PCNX1: variants seen among roughly 807,000 people sequenced by gnomAD.
PCNX1 encodes the protein pecanex-like protein 1.
Under a neutral mutation model 242.2 loss-of-function variants are expected in PCNX1, and 78 were observed. The ratio of observed to expected loss-of-function variants is 0.32; its 90% confidence interval spans 0.27 to 0.39. The LOEUF (loss-of-function observed/expected upper bound fraction) is 0.39, where lower values mean the gene tolerates loss of function less well. PCNX1 is among the 10% of genes least tolerant of loss of function. The pLI, the probability that PCNX1 is intolerant of heterozygous loss-of-function variation, is 1.00. For synonymous variants in PCNX1, 1,024 were observed against 1,032.9 expected (o/e 0.99, Z 0.17); for missense variants, 2,581 against 2,856.5 (o/e 0.90, Z 2.20).
At chr14:70,908,445 C>T (rs926937598) in intron 1 of PCNX1, among the ~76,000 whole-genome samples, 2 of 152,136 alleles carry the variant, frequency 1.3e-5, no homozygotes, top group Non-Finnish European at 2.9e-5. Flanking sequence ...CCCGCCGCGG[C>T]CCTCGTCCGG....
chr14:70,918,901 A>G (rs1332283214), intron 1 of PCNX1, among the ~76,000 whole-genome samples: 2 of 122,534 alleles, frequency 1.6e-5, no homozygotes, highest in Non-Finnish European at 3.5e-5. Context: ...TTTTTTTTTT[A>G]GACAAAGTCT....
chr14:71,050,634 A>G lies in PCNX1; in HGVS notation c.4339-18A>G. The G allele has an allele frequency of 2.6e-6, 4 of 1,538,014 alleles. No individual in the cohort carries two copies. The highest frequency in any genetic ancestry group is 2.6e-6 in the Non-Finnish European group (3 of 1,145,830). On this transcript the variant is annotated intron_variant, in intron 22 of 35. Transcript: ENST00000304743. ...AGTTTTTTTTTTTTTACTGACAGCC[A>G]TTCTTTTCCTCCTGCAGCTTTGGGA...
chr14:71,031,588 TAATCCTGCAC>T lies in PCNX1; in HGVS notation c.3559-1837_3559-1828del, dbSNP rs1320208784. On this transcript the variant is annotated intron_variant, in intron 16 of 35. Transcript: ENST00000304743. ...TCCTGAGACAGAAGGGGACTCAGTC[TAATCCTGCAC>T]AATAGACTTAGGCAGCCCAGCTCTG... 7.6e-6 allele frequency: 4 copies of T among 528,700 alleles called. No individual in the cohort carries two copies. The African/African-American group carries it at 7.6e-5, about 10-fold the overall frequency. 32.8% of individuals were successfully genotyped at this position (528,700 alleles called of 1,614,324 possible). A position where few individuals can be genotyped will look rare whatever the true frequency, so the allele number is the denominator to read the frequency against.
rs115613725 is a variant in PCNX1, at chr14:70,908,085, C to T, written c.153+82C>T. 538 of 1,338,368 alleles carry T rather than the reference C, an allele frequency of 4.0e-4. 1 individual carries two copies. In the African/African-American group the frequency reaches 7.8e-3, roughly 19 times the overall value. 82.9% of individuals were successfully genotyped at this position (1,338,368 alleles called of 1,614,324 possible). The stretch of plus-strand genomic sequence containing the variant: ...CTGGGGTCGCGCCCTCTTCCTCTTC[C>T]ACGGGGTCTCGTCCCCCGGGGGCCG... On this transcript the variant is annotated intron_variant, in intron 1 of 35. Transcript: ENST00000304743.
At position 71,076,425 on chromosome 14, in the gene PCNX1, G is replaced by GT; in HGVS notation, c.5337+9dup. On this transcript the variant is annotated splice_region_variant and intron_variant, in intron 28 of 35. Coordinates refer to ENST00000304743, the MANE Select transcript of PCNX1 (RefSeq NM_014982.3). ...GCTCTTCCCGAAGAGCAAAGGTAGA[G>GT]TTTATTTCATTTATAACTCTTTGAA... The GT allele has an allele frequency of 6.4e-7, 1 of 1,552,658 alleles. No individual in the cohort carries two copies. The highest frequency in any genetic ancestry group is 8.9e-7 in the Non-Finnish European group (1 of 1,125,300).
chr14:70,997,949 G>A (rs17108862), intron 8 of PCNX1, among the ~76,000 whole-genome samples: 44,972 of 151,990 alleles, frequency 0.3, 6,653 homozygotes, highest in Middle Eastern at 0.4. Context: ...TAAAAGTGGA[G>A]TATTTACACA....
chr14:71,057,438 AT>A, intron 25 of PCNX1, 70 bp from the exon 26 acceptor site: 1 of 960,150 alleles, frequency 1.0e-6, no homozygotes. Context: ...AGTTTTTAAT[AT>A]TTTTAACAAT....
At chr14:71,027,841 G>T (rs978828143) in intron 15 of PCNX1, among the ~76,000 whole-genome samples, 1 of 151,850 alleles carries the variant, frequency 6.6e-6, no homozygotes, top group African/African-American at 2.4e-5. Flanking sequence ...GTAGAAGACA[G>T]TTTGAATATT....
intron 30 of PCNX1, among the ~76,000 whole-genome samples, chr14:71,098,509 C>CGTGT (rs3221474): frequency 0.031 from 3,934 of 128,568 alleles, 90 homozygotes; most frequent in South Asian, 0.057. Context: ...TAGATGTATT[C>CGTGT]GTGTGTGTGT....
In PCNX1 at chr14:71,102,117, A is replaced by G; in HGVS notation, c.5717A>G (p.Asn1906Ser). The change falls in exon 31 of 36, where the codon AAC (asparagine) becomes AGC (serine). Residue 1906 changes from asparagine (N) to serine (S), a missense_variant. Asn to Ser is a conservative substitution (Grantham distance 46). Around this residue, in one of 9 missense-constraint regions of PCNX1, gnomAD observed 298 missense variants for 480.1 expected, o/e 0.62. Transcript: ENST00000304743. Reference sequence around the variant, plus strand: ...GCATGGCGGAGTGCAGTACTTGCCAACTCTCCCTCCTTGCTTGCTCTGCGG... The same window carrying G: ...GCATGGCGGAGTGCAGTACTTGCCAGCTCTCCCTCCTTGCTTGCTCTGCGG... ...DPAWRSAVLA[N>S]SPSLLALRHV... The G allele has an allele frequency of 1.2e-6, 2 of 1,613,724 alleles. No individual in the cohort carries two copies. Among genetic ancestry groups the G allele is most frequent in the South Asian group, 1.1e-5 (1 of 91,074 alleles).
intron 2 of PCNX1, among the ~76,000 whole-genome samples, chr14:70,947,600 C>T (rs1422637607): frequency 6.6e-6 from 1 of 152,172 alleles, no homozygotes. Flanking sequence ...ATCTCTTAAT[C>T]CCGTCTTCTT....
At chr14:70,933,011 C>G (rs1041215634) in intron 1 of PCNX1, among the ~76,000 whole-genome samples, 2 of 152,142 alleles carry the variant, frequency 1.3e-5, no homozygotes, top group Non-Finnish European at 2.9e-5. Flanking sequence ...GATACATTTT[C>G]TCACTGAGGG....
intron 27 of PCNX1, among the ~76,000 whole-genome samples, chr14:71,075,278 G>A (rs779054535): frequency 4.0e-4 from 61 of 151,792 alleles, no homozygotes; most frequent in Non-Finnish European, 7.1e-4. Context: ...GGTGTGAGCC[G>A]CCATCCCCAG....
intron 27 of PCNX1, among the ~76,000 whole-genome samples, chr14:71,074,817 G>A (rs944163553): frequency 2.0e-5 from 3 of 152,166 alleles, no homozygotes; most frequent in African/African-American, 7.2e-5. Flanking sequence ...CGTTGGGCAA[G>A]GTTAATCCTT....
At chr14:71,106,746 C>T (rs918456371) in intron 33 of PCNX1, among the ~76,000 whole-genome samples, 45 of 152,192 alleles carry the variant, frequency 3.0e-4, no homozygotes, top group African/African-American at 9.4e-4. Context: ...ATCAGCAGCT[C>T]CTCTTTCTAA....
In PCNX1 at chr14:71,005,506, T is replaced by TA. The variant is rs528564064; in HGVS notation, c.2630-4116dup. On this transcript the variant is annotated intron_variant, in intron 8 of 35. Transcript: ENST00000304743. ...CTGGGTGACAGAGTGAGTCTCTGTC[T>TA]AAAAAAAAAAAAGGGGGGGTGGGGA... is the stretch of plus-strand genomic sequence containing the variant. Among the ~76,000 whole-genome samples, 536 of 135,516 alleles carry TA rather than the reference T, an allele frequency of 4.0e-3. 6 individuals are homozygous for TA. The highest frequency in any genetic ancestry group is 0.013 in the African/African-American group (479 of 37,278). The allele number at this position is 135,516 out of a possible 152,430, so 88.9% of individuals were successfully genotyped here.
chr14:71,019,418 T>C (rs1323510050), intron 12 of PCNX1, among the ~76,000 whole-genome samples: 1 of 152,218 alleles, frequency 6.6e-6, no homozygotes, highest in Non-Finnish European at 1.5e-5. Context: ...ATTTTGTTTT[T>C]TGGAGATGGA....
At chr14:70,947,220 G>GT in intron 2 of PCNX1, 97 bp downstream of exon 2, 1 of 917,610 alleles carries the variant, frequency 1.1e-6, no homozygotes, top group East Asian at 2.6e-5. Flanking sequence ...TCTTTATATG[G>GT]TTTTAAGGCA....
chr14:70,919,037 C>T (rs2056263222), intron 1 of PCNX1, among the ~76,000 whole-genome samples: 1 of 152,138 alleles, frequency 6.6e-6, no homozygotes, highest in Non-Finnish European at 1.5e-5. Flanking sequence ...TGTGCCACCA[C>T]AACTAGCTAC....
Sources: allele counts gnomAD v4.1 joint callset (sites outside exome capture counted in the v4.1 genomes callset), GRCh38; gene constraint gnomAD v4.1.1; regional missense constraint gnomAD v4.1.1; transcripts MANE v1.5; gene names NCBI Gene and HGNC (gene_info 2026-07-23, HGNC 2026-07-21).